CCDC83: variants seen among roughly 807,000 people sequenced by gnomAD.
CCDC83 encodes coiled-coil domain containing 83.
CCDC83 carries 54 observed loss-of-function variants against 50.1 expected under a neutral mutation model. The ratio of observed to expected loss-of-function variants is 1.08; its 90% CI spans 0.87 to 1.35. The LOEUF (loss-of-function observed/expected upper bound fraction) is 1.35. Ranked by LOEUF, CCDC83 falls within the 40% of genes most tolerant of loss-of-function variation. The pLI is 0.00. For synonymous variants in CCDC83, 161 were observed against 153.3 expected, an observed-to-expected ratio of 1.05 and a Z score of -0.37; for missense variants, 518 against 473.9, an observed-to-expected ratio of 1.09 and a Z score of -0.86.
chr11:85,911,498 C>A, intron 8 of CCDC83, 96 bp downstream of exon 8: 2 of 1,061,936 alleles, frequency 1.9e-6, no homozygotes, highest in Non-Finnish European at 2.7e-6. Context: ...TTTAATTATT[C>A]AGTGCTCCAG....
chr11:85,905,094 C>T (rs376855999), intron 7 of CCDC83, among the ~76,000 whole-genome samples: 1 of 151,384 alleles, frequency 6.6e-6, no homozygotes, highest in African/African-American at 2.4e-5. Flanking sequence ...GTCAAGAATT[C>T]GAGACCAGCC....
At chr11:85,914,868 C>T (rs1266628316) in intron 8 of CCDC83, among the ~76,000 whole-genome samples, 2 of 152,168 alleles carry the variant, frequency 1.3e-5, no homozygotes, top group African/African-American at 4.8e-5. Context: ...AACTTAGATT[C>T]ATGGCAGAAG....
intron 3 of CCDC83, among the ~76,000 whole-genome samples, chr11:85,873,889 T>C (rs2093254475): frequency 6.6e-6 from 1 of 152,222 alleles, no homozygotes; most frequent in African/African-American, 2.4e-5. Flanking sequence ...TCATGAATGA[T>C]GAAATACTGA....
At chr11:85,888,045 C>T (rs2093335264) in intron 5 of CCDC83, among the ~76,000 whole-genome samples, 1 of 152,114 alleles carries the variant, frequency 6.6e-6, no homozygotes, top group South Asian at 2.1e-4. Flanking sequence ...GTTTCTTACA[C>T]ATAAGCATTA....
chr11:85,898,968 A>T lies in CCDC83; in HGVS notation c.625A>T (p.Lys209Ter). 6.2e-7 allele frequency: 1 copy of T among 1,612,436 alleles called. No homozygotes were observed. The highest frequency in any genetic ancestry group is 8.5e-7 in the Non-Finnish European group (1 of 1,178,984). ...TTAGAATGCTGTAAAGCTCATTGAC[A>T]AGGGCAGTTATCTAGAGATCTGGGA... ...ATQNAVKLID[K>*]GSYLEIWEND... The change falls in exon 7 of 11, where the codon AAG (lysine) becomes TAG (stop). Residue 209 changes from lysine to a stop codon, truncating the protein, a stop_gained. Transcript: ENST00000342404. LOFTEE classifies it high-confidence loss of function.
chr11:85,862,751 T>C (rs1165280711), intron 1 of CCDC83, among the ~76,000 whole-genome samples: 2 of 152,228 alleles, frequency 1.3e-5, no homozygotes, highest in Admixed American at 6.5e-5. Flanking sequence ...TAAATGTTTA[T>C]GAAAGTCCCC....
intron 6 of CCDC83, 60 bp from the exon 7 acceptor site, chr11:85,898,887 T>C (rs2093387379): frequency 1.8e-6 from 2 of 1,084,940 alleles, no homozygotes; most frequent in African/African-American, 1.5e-5. Flanking sequence ...CACATCACTA[T>C]TGCTAAAATT....
chr11:85,877,776 A>G (rs7124956), intron 3 of CCDC83, among the ~76,000 whole-genome samples: 52,213 of 151,980 alleles, frequency 0.34, 9,949 homozygotes, highest in African/African-American at 0.49. Context: ...ATTAACTAAC[A>G]TAAGTAAAAT....
intron 7 of CCDC83, among the ~76,000 whole-genome samples, chr11:85,900,035 G>T (rs778629891): frequency 1.3e-5 from 2 of 152,198 alleles, no homozygotes; most frequent in Non-Finnish European, 2.9e-5. Context: ...AGAGTATGTT[G>T]TTGGATGAAA....
intron 1 of CCDC83, among the ~76,000 whole-genome samples, chr11:85,857,365 C>T (rs920329432): frequency 6.6e-6 from 1 of 152,236 alleles, no homozygotes; most frequent in Non-Finnish European, 1.5e-5. Flanking sequence ...ATTGCCAAGG[C>T]TGGCATTCCA....
intron 5 of CCDC83, among the ~76,000 whole-genome samples, chr11:85,891,073 A>G (rs2093348710): frequency 6.6e-6 from 1 of 151,914 alleles, no homozygotes; most frequent in African/African-American, 2.4e-5. Context: ...TCCTCCCCAC[A>G]TTTCTCTCCC....
intron 7 of CCDC83, among the ~76,000 whole-genome samples, chr11:85,901,691 A>G (rs2093403123): frequency 6.6e-6 from 1 of 152,126 alleles, no homozygotes; most frequent in Non-Finnish European, 1.5e-5. Flanking sequence ...TACTAATGTA[A>G]GATGTACAAT....
chr11:85,902,877 T>C (rs1485406232), intron 7 of CCDC83, among the ~76,000 whole-genome samples: 2 of 152,160 alleles, frequency 1.3e-5, no homozygotes, highest in Non-Finnish European at 2.9e-5. Flanking sequence ...AGTATATACC[T>C]CTGTATATGC....
chr11:85,907,047 G>A (rs1367503105), intron 7 of CCDC83, among the ~76,000 whole-genome samples: 1 of 152,018 alleles, frequency 6.6e-6, no homozygotes, highest in East Asian at 1.9e-4. Context: ...ACCATCACAA[G>A]AATTGAAAAT....
At chr11:85,885,536 T>C (rs2093322744) in intron 4 of CCDC83, among the ~76,000 whole-genome samples, 1 of 152,250 alleles carries the variant, frequency 6.6e-6, no homozygotes, top group South Asian at 2.1e-4. Context: ...ATATTCGGCC[T>C]AAAGATTGAA....
chr11:85,919,209 T>C (rs950299685), intron 10 of CCDC83, 140 bp from the exon 11 acceptor site: 1 of 703,498 alleles, frequency 1.4e-6, no homozygotes. Flanking sequence ...TCATATTTCA[T>C]GTGCTACACA....
chr11:85,882,647 T>C lies in CCDC83; in HGVS notation c.315T>C (p.Phe105=), dbSNP rs899790899. Reference sequence around the variant, plus strand: ...AAGCGATGAAGGAAAAATGGAAGTTTGAAAGAGACCAGGAAAAAAACTTGA... The same window carrying C: ...AAGCGATGAAGGAAAAATGGAAGTTCGAAAGAGACCAGGAAAAAAACTTGA... ...VEEAMKEKWK[F]ERDQEKNLRD... The change falls in exon 4 of 11, where the codon TTT becomes TTC. Residue 105 remains phenylalanine, a synonymous_variant. Transcript: ENST00000342404. 2 of 1,613,732 alleles carry C rather than the reference T, an allele frequency of 1.2e-6. No individual in the cohort carries two copies. Among genetic ancestry groups the C allele is most frequent in the African/African-American group, 1.3e-5 (1 of 74,862 alleles).
chr11:85,887,208 C>T (rs979952283), intron 5 of CCDC83, among the ~76,000 whole-genome samples: 12 of 152,182 alleles, frequency 7.9e-5, no homozygotes, highest in African/African-American at 2.9e-4. Context: ...AGGACTAGAT[C>T]TGGACACGAT....
intron 7 of CCDC83, 131 bp downstream of exon 7, chr11:85,899,146 G>A (rs966630603): frequency 1.7e-5 from 11 of 632,562 alleles, no homozygotes; most frequent in Non-Finnish European, 3.0e-5. Context: ...TAAAATTCAA[G>A]TGGAGTCCTC....
Sources: gnomAD v4.1 joint callset for allele counts (sites outside exome capture counted in the v4.1 genomes callset) on GRCh38, gnomAD v4.1.1 for gene constraint, MANE v1.5 for transcripts, NCBI Gene and HGNC (gene_info 2026-07-23, HGNC 2026-07-21) for gene names.